FOXO1: variants seen among roughly 807,000 people sequenced by gnomAD.
FOXO1 encodes the protein forkhead box O1, also known as forkhead box protein O1.
FOXO1 carries 6 observed loss-of-function variants against 44.1 expected under a neutral mutation model. The ratio of observed to expected loss-of-function variants is 0.14; its 90% CI spans 0.07 to 0.27. The LOEUF is 0.27. Among genes scored for constraint, FOXO1 ranks in the 10% least tolerant of loss-of-function variants. The pLI, the probability that FOXO1 is intolerant of heterozygous loss-of-function variation, is 1.00. For synonymous variants in FOXO1, 380 were observed against 362.7 expected, an observed-to-expected ratio of 1.05 and a Z score of -0.54; for missense variants, 737 against 888.8, an observed-to-expected ratio of 0.83 and a Z score of 2.17.
chr13:40,660,683 T>C (rs1366093586), intron 1 of FOXO1, among the ~76,000 whole-genome samples: 2 of 152,224 alleles, frequency 1.3e-5, no homozygotes, highest in Non-Finnish European at 2.9e-5. Context: ...GCTAATGTGA[T>C]ACCTTTTCAG....
chr13:40,653,408 G>A (rs1877749708), intron 1 of FOXO1, among the ~76,000 whole-genome samples: 1 of 152,100 alleles, frequency 6.6e-6, no homozygotes, highest in Non-Finnish European at 1.5e-5. Flanking sequence ...CACTTGCATG[G>A]CAGGCTTCTG....
intron 1 of FOXO1, among the ~76,000 whole-genome samples, chr13:40,576,260 TG>T (rs1436077817): frequency 6.6e-6 from 1 of 151,756 alleles, no homozygotes; most frequent in Non-Finnish European, 1.5e-5. Context: ...GTACGGTGGG[TG>T]GGGCCTTAAC....
chr13:40,573,384 T>C (rs985077502), intron 1 of FOXO1, among the ~76,000 whole-genome samples: 1 of 152,206 alleles, frequency 6.6e-6, no homozygotes, highest in Non-Finnish European at 1.5e-5. Context: ...AAAGGAATTC[T>C]GGAAGGCTCC....
At chr13:40,650,880 G>A (rs1442582238) in intron 1 of FOXO1, among the ~76,000 whole-genome samples, 1 of 151,940 alleles carries the variant, frequency 6.6e-6, no homozygotes, top group Non-Finnish European at 1.5e-5. Context: ...TCAGCCTCCC[G>A]AGTAGCTGGG....
In FOXO1 at chr13:40,559,784, G is replaced by T; in HGVS notation, c.1707C>A (p.Pro569=). The change falls in exon 2 of 3, where the codon CCC becomes CCA. Residue 569 remains proline (P), a synonymous_variant. Coordinates refer to ENST00000379561, the MANE Select transcript of FOXO1 (RefSeq NM_002015.4). ...AGCCCCCCAGGGCACTCATCTGCAT[G>T]GGGTGGGGCAGAGGCACTTGTACAG... is the stretch of plus-strand genomic sequence containing the variant. ...KTPVQVPLPH[P]MQMSALGGYS... The T allele has an allele frequency of 6.2e-7, 1 of 1,613,652 alleles. No homozygotes were observed. The highest frequency in any genetic ancestry group is 8.5e-7 in the Non-Finnish European group (1 of 1,179,764).
At chr13:40,648,200 T>C (rs2137930261) in intron 1 of FOXO1, among the ~76,000 whole-genome samples, 1 of 152,292 alleles carries the variant, frequency 6.6e-6, no homozygotes, top group South Asian at 2.1e-4. Context: ...GAGGTGCTGA[T>C]TACATTCAGG....
At chr13:40,631,457 C>T (rs1170998328) in intron 1 of FOXO1, among the ~76,000 whole-genome samples, 2 of 152,260 alleles carry the variant, frequency 1.3e-5, no homozygotes, top group African/African-American at 2.4e-5. Context: ...AAAATAGATA[C>T]TTTGGACTTC....
At chr13:40,623,503 T>C (rs1876685339) in intron 1 of FOXO1, among the ~76,000 whole-genome samples, 1 of 152,140 alleles carries the variant, frequency 6.6e-6, no homozygotes, top group South Asian at 2.1e-4. Context: ...CAACATAAAA[T>C]TGGAAGTTCA....
intron 1 of FOXO1, among the ~76,000 whole-genome samples, chr13:40,652,121 C>A (rs1168618100): frequency 1.3e-5 from 2 of 152,100 alleles, no homozygotes; most frequent in Non-Finnish European, 2.9e-5. Flanking sequence ...GTTCCCCTCT[C>A]CTCCCTCCCC....
rs79901787 is a variant in FOXO1, at chr13:40,580,341, C to G, written c.631-19481G>C. 9.2e-3 allele frequency among the ~76,000 whole-genome samples: 1,395 copies of G among 152,184 alleles called. 14 individuals are homozygous for G. Among genetic ancestry groups the G allele is most frequent in the Middle Eastern group, 0.014 (4 of 294 alleles). On this transcript the variant is annotated intron_variant, in intron 1 of 2. Transcript: ENST00000379561. ...TTTGTTTTTCCAGGAAACAATATAT[C>G]TTTCCTTAAGCAGGAGACGGGGAAA...
At chr13:40,594,016 T>C (rs1875485142) in intron 1 of FOXO1, among the ~76,000 whole-genome samples, 1 of 152,212 alleles carries the variant, frequency 6.6e-6, no homozygotes, top group Non-Finnish European at 1.5e-5. Flanking sequence ...TTCTCTGAAT[T>C]TGAAAGGATT....
intron 1 of FOXO1, among the ~76,000 whole-genome samples, chr13:40,655,348 CAAA>C (rs1170592440): frequency 9.5e-5 from 9 of 94,524 alleles, no homozygotes; most frequent in Admixed American, 2.2e-4. Context: ...GACCCCATCT[CAAA>C]AAAAAAAAAA....
rs542823271 is a variant in FOXO1, at chr13:40,660,835, G to A, written c.630+4748C>T. On this transcript the variant is annotated intron_variant, in intron 1 of 2. Coordinates refer to ENST00000379561, the MANE Select transcript of FOXO1 (RefSeq NM_002015.4). ...CTCGTGCCGATAATCCCAACTATTCGGGAGGCTGAGGTGGGAGGATCACTT... is the reference window on the plus strand; with the variant it reads ...CTCGTGCCGATAATCCCAACTATTCAGGAGGCTGAGGTGGGAGGATCACTT... Among the ~76,000 whole-genome samples the A allele has an allele frequency of 2.0e-3, 309 of 152,074 alleles. 1 individual carries two copies. Among genetic ancestry groups the A allele is most frequent in the African/African-American group, 6.9e-3 (287 of 41,470 alleles).
Position 40,571,758 on chromosome 13 carries a change from T to C in FOXO1, c.631-10898A>G, listed in dbSNP as rs560374980. 1.1e-4 allele frequency among the ~76,000 whole-genome samples: 17 copies of C among 152,308 alleles called. 1 individual carries two copies. The highest frequency in any genetic ancestry group is 4.1e-4 in the South Asian group (2 of 4,834). On this transcript the variant is annotated intron_variant, in intron 1 of 2. Coordinates refer to ENST00000379561, the MANE Select transcript of FOXO1 (RefSeq NM_002015.4). Reference sequence around the variant, plus strand: ...CTGCTGTTCCTAATGAAAATCTTTGTCTGTTTTATAGGCCATACAATTTTT... The same window carrying C: ...CTGCTGTTCCTAATGAAAATCTTTGCCTGTTTTATAGGCCATACAATTTTT...
intron 1 of FOXO1, among the ~76,000 whole-genome samples, chr13:40,585,338 C>T (rs1007904630): frequency 1.6e-5 from 2 of 122,618 alleles, no homozygotes; most frequent in African/African-American, 3.2e-5. Context: ...TTCCTCTGCG[C>T]GCGCGCACAC....
rs755011775 is a variant in FOXO1, at chr13:40,666,071, C to T, written c.142G>A (p.Ala48Thr). 2 of 1,328,598 alleles carry T rather than the reference C, an allele frequency of 1.5e-6. No homozygotes were observed. The highest frequency in any genetic ancestry group is 1.9e-6 in the Non-Finnish European group (2 of 1,042,152). The allele number at this position is 1,328,598 out of a possible 1,614,324, so 82.3% of individuals were successfully genotyped here. Residue 48 changes from alanine (A) to threonine (T), a missense_variant, in exon 1 of 3, where the codon GCG (alanine) becomes ACG (threonine). Ala to Thr is a moderately conservative substitution (Grantham distance 58, BLOSUM62 0). This residue lies in a region of FOXO1 where 213 missense variants were observed against 236.4 expected (regional missense o/e 0.90). Transcript: ENST00000379561. ...GCCGCGGCGTCGGGGTTGGCAGCCG[C>T]GCTGCCCGACGGCGCCGGGCTGGAG... ...ATSSPAPSGS[A>T]AANPDAAAGL...
At chr13:40,570,589 G>C (rs1225681676) in intron 1 of FOXO1, among the ~76,000 whole-genome samples, 3 of 152,176 alleles carry the variant, frequency 2.0e-5, no homozygotes, top group African/African-American at 7.2e-5. Context: ...ATTTAGGATT[G>C]AAGAAAACCC....
chr13:40,618,096 G>A (rs1876487465), intron 1 of FOXO1, among the ~76,000 whole-genome samples: 1 of 151,638 alleles, frequency 6.6e-6, no homozygotes, highest in Non-Finnish European at 1.5e-5. Context: ...TTTTTTTGGT[G>A]AGACACGGTC....
At chr13:40,632,703 G>C (rs528981469) in intron 1 of FOXO1, among the ~76,000 whole-genome samples, 85 of 152,208 alleles carry the variant, frequency 5.6e-4, no homozygotes, top group African/African-American at 1.8e-3. Context: ...AGCACTTTGG[G>C]AGGCTGAGGC....
Sources: gnomAD v4.1 joint callset for allele counts (sites outside exome capture counted in the v4.1 genomes callset) on GRCh38, gnomAD v4.1.1 for gene constraint, gnomAD v4.1.1 regional missense constraint, MANE v1.5 for transcripts, NCBI Gene and HGNC (gene_info 2026-07-23, HGNC 2026-07-21) for gene names.